ATL3: variants seen among roughly 807,000 people sequenced by gnomAD.
The protein encoded by ATL3 is atlastin GTPase 3, also known as atlastin-3.
Under a neutral mutation model 69.5 loss-of-function variants are expected in ATL3, and 49 were observed. The observed-to-expected ratio is 0.71, with a 90% CI of 0.56 to 0.89. The LOEUF (loss-of-function observed/expected upper bound fraction) is 0.89, where lower values mean the gene tolerates loss of function less well. Among genes scored for constraint, ATL3 ranks in the 40% least tolerant of loss-of-function variants. ATL3 has a pLI of 0.00. For missense variants in ATL3, 606 were observed against 645.7 expected (o/e 0.94, Z 0.67); for synonymous variants, 214 against 224.1 (o/e 0.95, Z 0.40).
rs192129078 is a variant in ATL3 at position 63,629,283 on chromosome 11, C to T, written c.*36G>A. 89 of 1,556,924 alleles carry T rather than the reference C, an allele frequency of 5.7e-5. No homozygotes were observed. The East Asian group carries it at 1.9e-3, about 34-fold the overall frequency. On this transcript the variant is annotated 3_prime_UTR_variant, in exon 13 of 13. Coordinates refer to ENST00000398868, the MANE Select transcript of ATL3 (RefSeq NM_015459.5). ...GCAGAAACCCAGAAATCAGTAGGGGCTTGTTGTGTTCTTGTTTGATCTTCA... is the reference window on the plus strand; with the variant it reads ...GCAGAAACCCAGAAATCAGTAGGGGTTTGTTGTGTTCTTGTTTGATCTTCA...
intron 1 of ATL3, among the ~76,000 whole-genome samples, chr11:63,669,681 G>GC (rs1269295837): frequency 6.6e-6 from 1 of 151,980 alleles, no homozygotes; most frequent in African/African-American, 2.4e-5. Flanking sequence ...GATGGCTCAC[G>GC]CCTGTAATCC....
intron 8 of ATL3, among the ~76,000 whole-genome samples, chr11:63,636,927 G>A (rs1448399788): frequency 1.3e-5 from 2 of 152,050 alleles, no homozygotes; most frequent in Non-Finnish European, 1.5e-5. Context: ...TCTTTACCTT[G>A]GTTTTCATTC....
chr11:63,650,725 C>T (rs978885366), intron 5 of ATL3: 5 of 152,164 alleles, frequency 3.3e-5, no homozygotes, highest in African/African-American at 1.2e-4. Context: ...ATCTATAGCA[C>T]TTGGCCCTCT....
chr11:63,665,103 T>C (rs931064733), intron 1 of ATL3, among the ~76,000 whole-genome samples: 7 of 152,144 alleles, frequency 4.6e-5, no homozygotes, highest in African/African-American at 1.4e-4. Flanking sequence ...ATCCCAACAC[T>C]GGAAGGCCAA....
At chr11:63,659,346 G>C in intron 1 of ATL3, 94 bp from the exon 2 acceptor site, 1 of 1,086,016 alleles carries the variant, frequency 9.2e-7, no homozygotes, top group Non-Finnish European at 1.3e-6. Flanking sequence ...AGGGGACAGG[G>C]CCAGGCTCAA....
chr11:63,641,942 C>A (rs1565273666), intron 8 of ATL3, among the ~76,000 whole-genome samples: 16 of 152,196 alleles, frequency 1.1e-4, no homozygotes. Context: ...CACTCTAATT[C>A]ACCCTCTCCT....
chr11:63,638,132 G>A (rs1366840746), intron 8 of ATL3, among the ~76,000 whole-genome samples: 2 of 152,102 alleles, frequency 1.3e-5, no homozygotes, highest in Non-Finnish European at 2.9e-5. Flanking sequence ...TTAACAAGCT[G>A]TACAGACCCT....
intron 8 of ATL3, among the ~76,000 whole-genome samples, chr11:63,637,015 A>C (rs1468186329): frequency 6.6e-6 from 1 of 152,136 alleles, no homozygotes; most frequent in African/African-American, 2.4e-5. Context: ...GTGGTGGCTC[A>C]CGCCTGTAAT....
At chr11:63,643,832 T>C (rs746208701) in intron 7 of ATL3, among the ~76,000 whole-genome samples, 2 of 142,334 alleles carry the variant, frequency 1.4e-5, no homozygotes, top group African/African-American at 2.6e-5. Flanking sequence ...CCTGTTTATA[T>C]CTATCCCAAA....
upstream of ATL3, chr11:63,671,972 A>G (rs551511755): frequency 5.6e-6 from 1 of 177,920 alleles, no homozygotes; most frequent in Admixed American, 6.4e-5. Context: ...CATGAACGTC[A>G]CTGGGTCTTT....
At chr11:63,644,638 G>C (rs569661809) in intron 6 of ATL3, among the ~76,000 whole-genome samples, 1 of 152,134 alleles carries the variant, frequency 6.6e-6, no homozygotes, top group African/African-American at 2.4e-5. Context: ...CAATCCTGTG[G>C]CCTTGGCCTC....
chr11:63,632,548 G>C, intron 11 of ATL3: 1 of 857,458 alleles, frequency 1.2e-6, no homozygotes, highest in South Asian at 1.3e-5. Flanking sequence ...TTATGTCCCA[G>C]TGGGTCATGT....
At chr11:63,653,849 A>G (rs944429318) in intron 3 of ATL3, among the ~76,000 whole-genome samples, 1 of 152,212 alleles carries the variant, frequency 6.6e-6, no homozygotes, top group Admixed American at 6.5e-5. Flanking sequence ...AGAGAGGAAC[A>G]GATAGGTACA....
In ATL3 at chr11:63,631,144, G is replaced by T. The variant is rs766487194; in HGVS notation, c.1435C>A (p.Leu479Ile). 3 of 1,614,146 alleles carry T rather than the reference G, an allele frequency of 1.9e-6. No homozygotes were observed. The highest frequency in any genetic ancestry group is 2.5e-6 in the Non-Finnish European group (3 of 1,180,026). Residue 479 changes from leucine to isoleucine, a missense_variant, in exon 12 of 13, where the codon CTA (leucine) becomes ATA (isoleucine). Physicochemically the swap from Leu to Ile is conservative, Grantham distance 5. Coordinates refer to ENST00000398868, the MANE Select transcript of ATL3 (RefSeq NM_015459.5). Reference sequence around the variant, plus strand: ...CAGGTGAGGAGTGCTATTAACAGTAGTCCAACCATACAGTTGAACAACTGG... The same window carrying T: ...CAGGTGAGGAGTGCTATTAACAGTATTCCAACCATACAGTTGAACAACTGG... The part of the protein sequence containing the change: ...VAQLFNCMVG[L>I]LLIALLTWGY...
chr11:63,631,493 T>G (rs1024725401), intron 11 of ATL3, 22 bp from the exon 12 acceptor site: 2 of 1,562,464 alleles, frequency 1.3e-6, no homozygotes, highest in South Asian at 2.4e-5. Flanking sequence ...AAAGAAACAA[T>G]ATGTTAAAAG....
chr11:63,650,943 G>A (rs1940056552), intron 5 of ATL3, among the ~76,000 whole-genome samples: 1 of 152,112 alleles, frequency 6.6e-6, no homozygotes, highest in Admixed American at 6.6e-5. Context: ...TCGAGGTTTA[G>A]GAGGAATTTT....
chr11:63,671,259 C>T (rs552990152), intron 1 of ATL3, 31 bp downstream of exon 1: 33 of 1,559,796 alleles, frequency 2.1e-5, no homozygotes, highest in Admixed American at 1.7e-4. Context: ...GGGGTGGCCG[C>T]GGGGCGATCC....
chr11:63,671,526 C>CCGAGGCGTGGCGAGCGCAGGA (rs1255035093), upstream of ATL3: 80 of 1,433,212 alleles, frequency 5.6e-5, no homozygotes, highest in Non-Finnish European at 6.9e-5. Context: ...AACGGACAGC[C>CCGAGGCGTGGCGAGCGCAGGA]CGAGGCGTGG....
At chr11:63,640,839 TG>T (rs1939678284) in intron 8 of ATL3, among the ~76,000 whole-genome samples, 1 of 151,996 alleles carries the variant, frequency 6.6e-6, no homozygotes, top group African/African-American at 2.4e-5. Flanking sequence ...TGACCTCAGG[TG>T]ATTCGTCCAC....
Sources: gnomAD v4.1 joint callset for allele counts (sites outside exome capture counted in the v4.1 genomes callset) on GRCh38, gnomAD v4.1.1 for gene constraint, MANE v1.5 for transcripts, NCBI Gene and HGNC (gene_info 2026-07-23, HGNC 2026-07-21) for gene names.